ALOX12B: variants seen among roughly 807,000 people sequenced by gnomAD.
ALOX12B encodes the protein arachidonate 12-lipoxygenase, 12R type.
In ALOX12B, 47 loss-of-function variants were observed where a neutral mutation model predicts 78.9. That is an observed-to-expected ratio of 0.60 (90% CI 0.47 to 0.76). The LOEUF is 0.76. Ranked by LOEUF, ALOX12B falls within the 30% of genes least tolerant of loss-of-function variation. The pLI, the probability that ALOX12B is intolerant of heterozygous loss-of-function variation, is 0.00. For synonymous variants in ALOX12B, 370 were observed against 374.5 expected, an observed-to-expected ratio of 0.99 and a Z score of 0.14; for missense variants, 805 against 922.6, an observed-to-expected ratio of 0.87 and a Z score of 1.65.
intron 12 of ALOX12B, 121 bp from the exon 13 acceptor site, chr17:8,073,878 T>C: frequency 1.3e-6 from 1 of 790,302 alleles, no homozygotes. Context: ...GCCGCATCCG[T>C]ACCCTCATCC....
At position 8,080,405 on chromosome 17, in the gene ALOX12B, G is replaced by T. The variant is rs780889235; in HGVS notation, c.651-67C>A. On this transcript the variant is annotated intron_variant, in intron 5 of 14. Coordinates refer to ENST00000647874, the MANE Select transcript of ALOX12B (RefSeq NM_001139.3). This position sits in a 1 kb window ranked among gnomAD's most constrained non-coding sequence, Gnocchi z 4.8. ...CCAAGCGCCGGCTGGGGCAGGTGGC[G>T]GGGCCGCCCCATCCACTTAGGTCTC... 1.9e-6 allele frequency: 3 copies of T among 1,559,578 alleles called. No homozygotes were observed. Among genetic ancestry groups the T allele is most frequent in the Admixed American group, 1.7e-5 (1 of 59,820 alleles).
At chr17:8,082,765 C>G (rs1354965103) in intron 2 of ALOX12B, among the ~76,000 whole-genome samples, 1 of 152,140 alleles carries the variant, frequency 6.6e-6, no homozygotes, top group Non-Finnish European at 1.5e-5. Context: ...ACTCTTTTTG[C>G]ACTCTTAACC....
intron 2 of ALOX12B, among the ~76,000 whole-genome samples, chr17:8,084,286 C>T (rs1978291207): frequency 6.6e-6 from 1 of 152,212 alleles, no homozygotes; most frequent in African/African-American, 2.4e-5. Flanking sequence ...CCGCTGCAGC[C>T]CATCATTTCC....
In ALOX12B at chr17:8,080,695, G is replaced by C; in HGVS notation, c.613C>G (p.Leu205Val). 1.9e-6 allele frequency: 3 copies of C among 1,614,208 alleles called. No individual in the cohort carries two copies. The highest frequency in any genetic ancestry group is 2.5e-6 in the Non-Finnish European group (3 of 1,180,046). The part of the protein sequence containing the change: ...FLNLNLRYSF[L>V]KTASFFVRLG... ...CGGACGAAGAAGGAGGCCGTCTTGA[G>C]GAAGGAGTAGCGGAGATTTAAGTTC... Residue 205 changes from leucine to valine, a missense_variant, in exon 5 of 15, where the codon CTC becomes GTC. By Grantham distance (32) the Leu-to-Val change is conservative. Coordinates refer to ENST00000647874, the MANE Select transcript of ALOX12B (RefSeq NM_001139.3). This position sits in a 1 kb window ranked among gnomAD's most constrained non-coding sequence, Gnocchi z 4.8.
Position 8,080,133 on chromosome 17 carries a change from TC to T in ALOX12B, c.754+101del. ...AGCCGCCAGAGGGCGCGCGCGCGCC[TC>T]GCTGCCTCTCCCGTCCCACTGCCCC... On this transcript the variant is annotated intron_variant, in intron 6 of 14. Transcript: ENST00000647874. The surrounding 1 kb of genome is among the most constrained non-coding windows in gnomAD (Gnocchi z 4.8). 1 of 1,481,062 alleles carries T rather than the reference TC, an allele frequency of 6.8e-7. No individual in the cohort carries two copies. The highest frequency in any genetic ancestry group is 9.4e-7 in the Non-Finnish European group (1 of 1,060,408). 91.7% of individuals were successfully genotyped at this position (1,481,062 alleles called of 1,614,324 possible). A position where few individuals can be genotyped will look rare whatever the true frequency, so the allele number is the denominator to read the frequency against.
intron 3 of ALOX12B, 25 bp from the exon 4 acceptor site, chr17:8,081,001 C>T (rs1977205708): frequency 6.2e-7 from 1 of 1,613,874 alleles, no homozygotes; most frequent in East Asian, 2.2e-5. Flanking sequence ...GAGATGTCAC[C>T]CTCATGCCCG....
At chr17:8,085,890 C>G (rs1045137093) in intron 2 of ALOX12B, 126 bp downstream of exon 2, 63 of 1,110,368 alleles carry the variant, frequency 5.7e-5, no homozygotes, top group Non-Finnish European at 6.3e-5. Flanking sequence ...GGCAGGAGAG[C>G]CCAGGAGTCC....
rs1241047685 is a variant in ALOX12B at position 8,075,587 on chromosome 17, G to A, written c.1654+8C>T. 4 of 1,613,920 alleles carry A rather than the reference G, an allele frequency of 2.5e-6. No individual in the cohort carries two copies. Among genetic ancestry groups the A allele is most frequent in the Non-Finnish European group, 3.4e-6 (4 of 1,180,004 alleles). On this transcript the variant is annotated splice_region_variant and intron_variant, in intron 12 of 14. Coordinates refer to ENST00000647874, the MANE Select transcript of ALOX12B (RefSeq NM_001139.3). ...TCCCCCTGATTGCCCAGGTGTCCAGGCCCATACCTGAGCTCTCCCGCCCCA... is the reference window on the plus strand; with the variant it reads ...TCCCCCTGATTGCCCAGGTGTCCAGACCCATACCTGAGCTCTCCCGCCCCA...
At position 8,073,010 on chromosome 17, in the gene ALOX12B, G is replaced by A. The variant is rs1054047480; in HGVS notation, c.1927-60C>T. 5 of 1,594,016 alleles carry A rather than the reference G, an allele frequency of 3.1e-6. No individual in the cohort carries two copies. The African/African-American group carries it at 4.0e-5, about 13-fold the overall frequency. On this transcript the variant is annotated intron_variant, in intron 14 of 14. Coordinates refer to ENST00000647874, the MANE Select transcript of ALOX12B (RefSeq NM_001139.3). ...CCGGCCAGCACCCCCTCCTCCTGCC[G>A]GTGGCCCTGGCCCCTCCACCCTTTG...
chr17:8,077,155 C>A lies in ALOX12B; in HGVS notation c.1110G>T (p.Leu370=), dbSNP rs755561122. ...QTPGPDCPIF[L]PSDSEWDWLL... ...GCCAGTCCCACTCAGAATCACTGGGCAGGAAGATGGGGCAATCTGGCCCAG... is the reference window on the plus strand; with the variant it reads ...GCCAGTCCCACTCAGAATCACTGGGAAGGAAGATGGGGCAATCTGGCCCAG... The change falls in exon 9 of 15, where the codon CTG becomes CTT. Residue 370 remains leucine, a synonymous_variant. Coordinates refer to ENST00000647874, the MANE Select transcript of ALOX12B (RefSeq NM_001139.3). The A allele has an allele frequency of 1.2e-6, 2 of 1,613,714 alleles. No homozygotes were observed. Among genetic ancestry groups the A allele is most frequent in the East Asian group, 4.5e-5 (2 of 44,884 alleles).
intron 2 of ALOX12B, among the ~76,000 whole-genome samples, chr17:8,085,182 A>T (rs992778298): frequency 6.6e-6 from 1 of 152,200 alleles, no homozygotes; most frequent in Non-Finnish European, 1.5e-5. Context: ...ACATCCCATC[A>T]GTCTAAAAAA....
chr17:8,075,891 A>G (rs796611886), intron 11 of ALOX12B, among the ~76,000 whole-genome samples, 175 bp from the exon 12 acceptor site: 20 of 152,252 alleles, frequency 1.3e-4, no homozygotes, highest in African/African-American at 4.6e-4. Flanking sequence ...CAAGGTCAGA[A>G]CACACCCAGA....
chr17:8,072,875 G>C lies in ALOX12B; in HGVS notation c.2002C>G (p.Arg668Gly). The stretch of plus-strand genomic sequence containing the variant: ...ATGTCGTGTGAGATCTGGTTCAGGC[G>C]CTGGCGGAACGCCTCTATGCTCCTC... ...PRRSIEAFRQ[R>G]LNQISHDIRQ... is the part of the protein sequence containing the mutation. The change falls in exon 15 of 15, where the codon CGC (arginine) becomes GGC (glycine). Residue 668 changes from arginine to glycine, a missense_variant. By Grantham distance (125) the Arg-to-Gly change is moderately radical. Transcript: ENST00000647874. 6.2e-7 allele frequency: 1 copy of C among 1,614,180 alleles called. No individual in the cohort carries two copies. The highest frequency in any genetic ancestry group is 8.5e-7 in the Non-Finnish European group (1 of 1,180,022).
rs1470488734 is a variant in ALOX12B at position 8,073,332 on chromosome 17, A to G, written c.1756-14T>C. ...GGTGAACTCCATCTGGAGGTGGGAT[A>G]GAGGCGCGGGTCTGGGTGGAAGAGT... On this transcript the variant is annotated splice_polypyrimidine_tract_variant and intron_variant, in intron 13 of 14. Coordinates refer to ENST00000647874, the MANE Select transcript of ALOX12B (RefSeq NM_001139.3). The G allele has an allele frequency of 6.2e-7, 1 of 1,614,056 alleles. No individual in the cohort carries two copies. The highest frequency in any genetic ancestry group is 1.1e-5 in the South Asian group (1 of 91,080).
At chr17:8,086,284 C>T (rs978631516) in intron 1 of ALOX12B, 64 bp from the exon 2 acceptor site, 1 of 1,519,080 alleles carries the variant, frequency 6.6e-7, no homozygotes, top group African/African-American at 1.4e-5. Context: ...GCCGCCCACC[C>T]CTCTGGCCCC....
At chr17:8,078,937 G>T (rs7216117) in intron 8 of ALOX12B, among the ~76,000 whole-genome samples, 5,611 of 134,254 alleles carry the variant, frequency 0.042, 347 homozygotes, top group African/African-American at 0.14. Context: ...TCGCTCTGTC[G>T]CCCAGAGCGA....
At position 8,079,670 on chromosome 17, in the gene ALOX12B, T is replaced by A; in HGVS notation, c.927+99A>T. ...GGGACAGGGACGCGGGGTGCGGGCT[T>A]GCCTGGGACTGGCGCGGGCGCCGGA... On this transcript the variant is annotated intron_variant, in intron 7 of 14. Coordinates refer to ENST00000647874, the MANE Select transcript of ALOX12B (RefSeq NM_001139.3). This position sits in a 1 kb window ranked among gnomAD's most constrained non-coding sequence, Gnocchi z 6.4. 6 of 1,539,958 alleles carry A rather than the reference T, an allele frequency of 3.9e-6. No individual in the cohort carries two copies. The highest frequency in any genetic ancestry group is 5.3e-6 in the Non-Finnish European group (6 of 1,140,672).
At position 8,086,153 on chromosome 17, in the gene ALOX12B, T is replaced by C. The variant is rs891624718; in HGVS notation, c.215A>G (p.Glu72Gly). The C allele has an allele frequency of 2.5e-6, 4 of 1,613,986 alleles. No individual in the cohort carries two copies. The highest frequency in any genetic ancestry group is 2.2e-5 in the South Asian group (2 of 91,080). ...GELIIIRLHK[E>G]RYAFFPKDPW... ...GTCCTTGGGGAAGAAGGCGTACCGC[T>C]CTTTGTGCAGGCGGATGATGATGAG... is the stretch of plus-strand genomic sequence containing the variant. Residue 72 changes from glutamate to glycine, a missense_variant, in exon 2 of 15, where the codon GAG (glutamate) becomes GGG (glycine). Coordinates refer to ENST00000647874, the MANE Select transcript of ALOX12B (RefSeq NM_001139.3).
chr17:8,073,028 A>G, intron 14 of ALOX12B, 78 bp from the exon 15 acceptor site: 1 of 1,596,662 alleles, frequency 6.3e-7, no homozygotes, highest in Non-Finnish European at 8.5e-7. Context: ...TGGCCCCTCC[A>G]CCCTTTGGTT....
Sources: gnomAD v4.1 joint callset for allele counts (sites outside exome capture counted in the v4.1 genomes callset) on GRCh38, gnomAD v4.1.1 for gene constraint, Gnocchi (gnomAD v3.1) non-coding constraint, MANE v1.5 for transcripts, NCBI Gene and HGNC (gene_info 2026-07-23, HGNC 2026-07-21) for gene names.